The following KLHL8 variants were observed in gnomAD, a reference collection of about 807,000 sequenced individuals.
KLHL8 encodes the protein kelch-like protein 8.
A neutral mutation model predicts 63.5 loss-of-function variants in KLHL8; 38 were observed. The ratio of observed to expected loss-of-function variants is 0.60; its 90% CI spans 0.46 to 0.78. The LOEUF is 0.78. KLHL8 is among the 30% of genes least tolerant of loss of function. KLHL8 has a pLI of 0.00. For missense variants in KLHL8, 566 were observed against 752.4 expected, an observed-to-expected ratio of 0.75 and a Z score of 2.90; for synonymous variants, 224 against 254.3, an observed-to-expected ratio of 0.88 and a Z score of 1.13.
At chr4:87,184,045 C>T (rs1207936118) in intron 3 of KLHL8, among the ~76,000 whole-genome samples, 1 of 152,140 alleles carries the variant, frequency 6.6e-6, no homozygotes, top group Non-Finnish European at 1.5e-5. Flanking sequence ...CACACACACA[C>T]GTAAGGGGTT....
intron 9 of KLHL8, 90 bp from the exon 10 acceptor site, chr4:87,163,732 G>C (rs1487840686): frequency 1.9e-6 from 3 of 1,563,346 alleles, no homozygotes; most frequent in Non-Finnish European, 2.6e-6. Context: ...ATGTGAGACT[G>C]GTTTTGTAGG....
chr4:87,214,939 C>T (rs1400296080), intron 1 of KLHL8, among the ~76,000 whole-genome samples: 1 of 152,078 alleles, frequency 6.6e-6, no homozygotes, highest in Non-Finnish European at 1.5e-5. Context: ...GCTGGGATTA[C>T]AACTGTGCAC....
At chr4:87,198,012 T>TA (rs3036206) in intron 1 of KLHL8, among the ~76,000 whole-genome samples, 5,511 of 136,590 alleles carry the variant, frequency 0.04, 165 homozygotes, top group Non-Finnish European at 0.059. Flanking sequence ...CTTTAATTAT[T>TA]AAAAAAAAAA....
chr4:87,178,435 A>G, intron 5 of KLHL8, 42 bp downstream of exon 5: 2 of 1,534,814 alleles, frequency 1.3e-6, no homozygotes, highest in Non-Finnish European at 1.7e-6. Context: ...TTTTAAAAAG[A>G]GCATTGTGAT....
intron 3 of KLHL8, 130 bp from the exon 4 acceptor site, chr4:87,183,519 T>G: frequency 1.4e-6 from 1 of 702,272 alleles, no homozygotes; most frequent in Non-Finnish European, 2.3e-6. Context: ...GCATGTTCTC[T>G]TTTTAAAACT....
In KLHL8 at chr4:87,170,081, A is replaced by G. The variant is rs1730577123; in HGVS notation, c.1535T>C (p.Val512Ala). Residue 512 changes from valine (V) to alanine (A), a missense_variant and splice_region_variant, in exon 8 of 10, where the codon GTT becomes GCT. Physicochemically the swap from Val to Ala is moderately conservative, Grantham distance 64 (BLOSUM62 0). Transcript: ENST00000273963. ...VSKLHGCLYV[V>A]GGFDDNSPLS... ...TAGAGAAATACCCATTTACTCACCA[A>G]CTACGTATAAGCAACCATGAAGCTT... 3 of 1,612,972 alleles carry G rather than the reference A, an allele frequency of 1.9e-6. No homozygotes were observed. Among genetic ancestry groups the G allele is most frequent in the Non-Finnish European group, 2.5e-6 (3 of 1,179,314 alleles).
Position 87,170,534 on chromosome 4 carries a change from C to T in KLHL8, c.1290G>A (p.Val430=). 1 of 1,614,022 alleles carries T rather than the reference C, an allele frequency of 6.2e-7. No homozygotes were observed. The highest frequency in any genetic ancestry group is 8.5e-7 in the Non-Finnish European group (1 of 1,179,932). Residue 430 remains valine (V), a synonymous_variant, in exon 7 of 10, where the codon GTG becomes GTA. Coordinates refer to ENST00000273963, the MANE Select transcript of KLHL8 (RefSeq NM_020803.5). ...GLDDNTCFND[V]ERYDIESDQW... ...GATCAGATTCTATGTCATATCTCTC[C>T]ACATCATTGAAGCAAGTATTGTCAT... is the stretch of plus-strand genomic sequence containing the variant.
At chr4:87,184,152 A>T (rs1274701208) in intron 3 of KLHL8, among the ~76,000 whole-genome samples, 3 of 152,182 alleles carry the variant, frequency 2.0e-5, no homozygotes, top group Non-Finnish European at 4.4e-5. Context: ...TTACCATCTT[A>T]AAGAAAAACA....
intron 1 of KLHL8, among the ~76,000 whole-genome samples, chr4:87,199,190 A>T (rs896255619): frequency 6.6e-6 from 1 of 152,204 alleles, no homozygotes; most frequent in African/African-American, 2.4e-5. Flanking sequence ...CAACAAAAAA[A>T]CCCTAAAGAA....
intron 1 of KLHL8, among the ~76,000 whole-genome samples, chr4:87,228,974 C>A (rs939872370): frequency 5.9e-5 from 9 of 152,192 alleles, no homozygotes; most frequent in Non-Finnish European, 1.2e-4. Flanking sequence ...AAGTGATTCC[C>A]CTTGGGAGTT....
chr4:87,230,806 CT>C (rs1339974316), intron 1 of KLHL8, among the ~76,000 whole-genome samples: 1 of 152,346 alleles, frequency 6.6e-6, no homozygotes, highest in East Asian at 1.9e-4. Flanking sequence ...TCCCTACCTG[CT>C]CCAGGACAGG....
chr4:87,207,908 G>C, intron 1 of KLHL8: 1 of 1,355,586 alleles, frequency 7.4e-7, no homozygotes, highest in Non-Finnish European at 1.0e-6. Flanking sequence ...GGCATCCTGG[G>C]CTACACTGAG....
intron 1 of KLHL8, among the ~76,000 whole-genome samples, chr4:87,231,336 C>T (rs897444660): frequency 6.6e-6 from 1 of 152,088 alleles, no homozygotes; most frequent in Non-Finnish European, 1.5e-5. Context: ...AATGAAATAC[C>T]CTGACTTAAT....
intron 6 of KLHL8, among the ~76,000 whole-genome samples, 169 bp from the exon 7 acceptor site, chr4:87,170,784 T>C (rs1730605688): frequency 6.6e-6 from 1 of 152,238 alleles, no homozygotes; most frequent in Admixed American, 6.5e-5. Context: ...GGCTACAGAA[T>C]TGCCAAACTG....
chr4:87,214,450 ATATATAT>A (rs1407707090), intron 1 of KLHL8, among the ~76,000 whole-genome samples: 8 of 124,678 alleles, frequency 6.4e-5, no homozygotes, highest in African/African-American at 2.9e-4. Flanking sequence ...ATATATATAT[ATATATAT>A]ATAATTGTCA....
chr4:87,229,430 T>A (rs1733095460), intron 1 of KLHL8, among the ~76,000 whole-genome samples: 1 of 76,014 alleles, frequency 1.3e-5, no homozygotes, highest in South Asian at 4.0e-4. Flanking sequence ...TTTTTTTTTT[T>A]TTTTTGGTGG....
chr4:87,193,500 ATTAAGAATCAAC>A (rs1426415227), intron 2 of KLHL8, among the ~76,000 whole-genome samples: 7 of 152,102 alleles, frequency 4.6e-5, no homozygotes, highest in African/African-American at 1.7e-4. Context: ...TCTTGTTTTT[ATTAAGAATCAAC>A]TTTCTGCAAT....
intron 1 of KLHL8, among the ~76,000 whole-genome samples, chr4:87,212,947 A>G (rs904509017): frequency 6.6e-6 from 1 of 152,232 alleles, no homozygotes; most frequent in Non-Finnish European, 1.5e-5. Flanking sequence ...ATGTTTCTTA[A>G]GAGTGTATCC....
At chr4:87,171,694 C>T (rs1730641082) in intron 6 of KLHL8, among the ~76,000 whole-genome samples, 1 of 152,152 alleles carries the variant, frequency 6.6e-6, no homozygotes, top group African/African-American at 2.4e-5. Context: ...TGGCTTATTT[C>T]CTACTCCTCA....
Sources: gnomAD v4.1 joint callset for allele counts (sites outside exome capture counted in the v4.1 genomes callset) on GRCh38, gnomAD v4.1.1 for gene constraint, MANE v1.5 for transcripts, NCBI Gene and HGNC (gene_info 2026-07-23, HGNC 2026-07-21) for gene names.